AGBL4: variants seen among roughly 807,000 people sequenced by gnomAD.
The protein encoded by AGBL4 is AGBL carboxypeptidase 4.
In AGBL4, 58 loss-of-function variants were observed where a neutral mutation model predicts 66.4. The ratio of observed to expected loss-of-function variants is 0.87; its 90% confidence interval spans 0.71 to 1.09. AGBL4 has a LOEUF of 1.09. Among genes scored for constraint, AGBL4 ranks in the 50% least tolerant of loss-of-function variants. The pLI is 0.00. For synonymous variants in AGBL4, 234 were observed against 222.9 expected, an observed-to-expected ratio of 1.05 and a Z score of -0.44; for missense variants, 579 against 631.0, an observed-to-expected ratio of 0.92 and a Z score of 0.88.
intron 6 of AGBL4, among the ~76,000 whole-genome samples, chr1:48,787,154 G>A (rs896016301): frequency 2.6e-5 from 4 of 152,130 alleles, no homozygotes; most frequent in Non-Finnish European, 4.4e-5. Flanking sequence ...TGTGACTCTA[G>A]AGCCCCAGCC....
At chr1:49,582,999 T>G (rs769191137) in intron 3 of AGBL4, among the ~76,000 whole-genome samples, 3 of 152,232 alleles carry the variant, frequency 2.0e-5, no homozygotes, top group Non-Finnish European at 2.9e-5. Flanking sequence ...TCATTCCCAG[T>G]TCCTGGTGCA....
intron 5 of AGBL4, among the ~76,000 whole-genome samples, chr1:49,032,446 C>A (rs990068807): frequency 1.3e-5 from 2 of 152,098 alleles, no homozygotes; most frequent in South Asian, 4.1e-4. Context: ...CAAAACATGT[C>A]TTTTCATATA....
In AGBL4 at chr1:49,551,914, G is replaced by A. The variant is rs1396598365; in HGVS notation, c.282+145399C>T. On this transcript the variant is annotated intron_variant, in intron 3 of 13. Coordinates refer to ENST00000371839, the MANE Select transcript of AGBL4 (RefSeq NM_032785.4). ...AGGTGGGGCAGGAAAGGACCATCAG[G>A]TGGAGGCACAGCTAGGTGTGTCTGA... 2.6e-5 allele frequency among the ~76,000 whole-genome samples: 4 copies of A among 152,300 alleles called. No homozygotes were observed. The East Asian group carries it at 7.7e-4, about 29-fold the overall frequency.
Position 50,023,875 on chromosome 1 carries a change from C to T in AGBL4, c.-79G>A. 1 of 1,465,742 alleles carries T rather than the reference C, an allele frequency of 6.8e-7. No homozygotes were observed. Among genetic ancestry groups the T allele is most frequent in the South Asian group, 1.3e-5 (1 of 76,514 alleles). The allele number at this position is 1,465,742 out of a possible 1,614,324, so 90.8% of individuals were successfully genotyped here. The stretch of plus-strand genomic sequence containing the variant: ...GCGGGTGGTGGGATCAGTGGGCTGA[C>T]AGGAGCTACCTCAGGAAGACGCGGC... On this transcript the variant is annotated 5_prime_UTR_variant, in exon 1 of 14. Coordinates refer to ENST00000371839, the MANE Select transcript of AGBL4 (RefSeq NM_032785.4).
chr1:49,420,110 T>A (rs1645511188), intron 3 of AGBL4, among the ~76,000 whole-genome samples: 1 of 152,206 alleles, frequency 6.6e-6, no homozygotes, highest in South Asian at 2.1e-4. Flanking sequence ...ACAAATGACC[T>A]GAAATTCTCC....
At chr1:49,285,034 C>T (rs571252515) in intron 3 of AGBL4, among the ~76,000 whole-genome samples, 26 of 151,870 alleles carry the variant, frequency 1.7e-4, no homozygotes, top group Admixed American at 5.2e-4. Context: ...TAATAGACAT[C>T]TACAGAACTC....
At chr1:49,029,881 T>C (rs936906290) in intron 5 of AGBL4, among the ~76,000 whole-genome samples, 20 of 152,172 alleles carry the variant, frequency 1.3e-4, no homozygotes, top group African/African-American at 4.6e-4. Context: ...CTTACATGTA[T>C]AGTCAACTGA....
chr1:49,560,457 A>G (rs1644011443), intron 3 of AGBL4, among the ~76,000 whole-genome samples: 2 of 152,102 alleles, frequency 1.3e-5, no homozygotes, highest in African/African-American at 4.8e-5. Context: ...ACAATGAAGC[A>G]CACCTAAAGA....
intron 6 of AGBL4, among the ~76,000 whole-genome samples, chr1:48,864,968 C>A (rs555730371): frequency 6.6e-6 from 1 of 151,838 alleles, no homozygotes; most frequent in South Asian, 2.1e-4. Context: ...TCACAATAAA[C>A]AAAATAAGAC....
At chr1:48,802,992 C>T (rs1486979635) in intron 6 of AGBL4, among the ~76,000 whole-genome samples, 1 of 152,218 alleles carries the variant, frequency 6.6e-6, no homozygotes, top group East Asian at 1.9e-4. Flanking sequence ...TCCAGACTCT[C>T]AGTACCAACC....
chr1:49,824,972 T>C lies in AGBL4; in HGVS notation c.157+26424A>G, dbSNP rs112914129. On this transcript the variant is annotated intron_variant, in intron 2 of 13. Coordinates refer to ENST00000371839, the MANE Select transcript of AGBL4 (RefSeq NM_032785.4). ...TTTGCCTCTATTGATTTTGACTCCATACTACTCCATAGATTTTTTTTCTCC... is the reference window on the plus strand; with the variant it reads ...TTTGCCTCTATTGATTTTGACTCCACACTACTCCATAGATTTTTTTTCTCC... 6.9e-3 allele frequency among the ~76,000 whole-genome samples: 1,056 copies of C among 152,332 alleles called. 6 individuals are homozygous for C. Among genetic ancestry groups the C allele is most frequent in the South Asian group, 0.01 (49 of 4,830 alleles).
chr1:49,281,226 T>A (rs1644265601), intron 3 of AGBL4, among the ~76,000 whole-genome samples: 1 of 152,202 alleles, frequency 6.6e-6, no homozygotes, highest in African/African-American at 2.4e-5. Context: ...GTTTGGATGT[T>A]GAGAATGATG....
At chr1:49,721,619 T>G (rs1250262577) in intron 2 of AGBL4, among the ~76,000 whole-genome samples, 2 of 152,102 alleles carry the variant, frequency 1.3e-5, no homozygotes, top group African/African-American at 4.8e-5. Flanking sequence ...TTAAAAGGTT[T>G]CTCTAGTGGC....
At chr1:49,910,332 T>C (rs969905537) in intron 1 of AGBL4, among the ~76,000 whole-genome samples, 1 of 152,082 alleles carries the variant, frequency 6.6e-6, no homozygotes, top group Admixed American at 6.5e-5. Flanking sequence ...AAATGAAGAA[T>C]GAGAAAAACT....
At chr1:49,004,701 A>T (rs529188708) in intron 5 of AGBL4, among the ~76,000 whole-genome samples, 110 of 152,374 alleles carry the variant, frequency 7.2e-4, no homozygotes, top group African/African-American at 2.4e-3. Flanking sequence ...AGAGGAAGGC[A>T]GGCCTGAATC....
At chr1:49,401,228 C>A (rs555754888) in intron 3 of AGBL4, among the ~76,000 whole-genome samples, 2 of 152,048 alleles carry the variant, frequency 1.3e-5, no homozygotes, top group African/African-American at 2.4e-5. Flanking sequence ...GAGTGCCATG[C>A]GAAGGGGGAA....
intron 2 of AGBL4, among the ~76,000 whole-genome samples, chr1:49,753,657 C>G (rs1571490195): frequency 6.6e-6 from 1 of 152,124 alleles, no homozygotes; most frequent in Non-Finnish European, 1.5e-5. Flanking sequence ...ATATCCTGAA[C>G]AGTGTTTCCC....
At chr1:49,336,152 C>T (rs1645433076) in intron 3 of AGBL4, among the ~76,000 whole-genome samples, 1 of 152,122 alleles carries the variant, frequency 6.6e-6, no homozygotes, top group African/African-American at 2.4e-5. Flanking sequence ...ACCTGAGAAT[C>T]AGGAAAGCCT....
At chr1:49,010,017 A>G (rs1422780049) in intron 5 of AGBL4, among the ~76,000 whole-genome samples, 2 of 152,320 alleles carry the variant, frequency 1.3e-5, no homozygotes. Context: ...TAGTGATGGT[A>G]GTTCTGGCCA....
Sources: gnomAD v4.1 joint callset for allele counts (sites outside exome capture counted in the v4.1 genomes callset) on GRCh38, gnomAD v4.1.1 for gene constraint, MANE v1.5 for transcripts, NCBI Gene and HGNC (gene_info 2026-07-23, HGNC 2026-07-21) for gene names.